Variants in ZC3H12B observed in about 807,000 individuals in gnomAD.
ZC3H12B encodes the protein zinc finger CCCH-type containing 12B.
A neutral mutation model predicts 43.9 loss-of-function variants in ZC3H12B; 7 were observed. The ratio of observed to expected loss-of-function variants is 0.16; its 90% CI spans 0.09 to 0.30. The LOEUF is 0.30. Among genes scored for constraint, ZC3H12B ranks in the 10% least tolerant of loss-of-function variants. The probability of loss-of-function intolerance (pLI) is 1.00; values close to 1 mark genes in which losing one functional copy is unlikely to be tolerated. For synonymous variants in ZC3H12B, 222 were observed against 241.7 expected, an observed-to-expected ratio of 0.92 and a Z score of 0.76; for missense variants, 475 against 670.2, an observed-to-expected ratio of 0.71 and a Z score of 3.22.
In ZC3H12B at chrX:65,381,061, A is replaced by T. The variant is rs1456360810; in HGVS notation, n.295+12063A>T. Among the ~76,000 whole-genome samples the T allele has an allele frequency of 2.7e-5, 3 of 111,341 alleles. No homozygotes were observed. The Admixed American group carries it at 2.9e-4, about 11-fold the overall frequency. ...CAGATCAACAAGACAGAAAGTCAAC[A>T]AAGATACCCAGGAATTGAACTCAGC... is the stretch of plus-strand genomic sequence containing the variant. On this transcript the variant is annotated intron_variant and non_coding_transcript_variant, in intron 2 of 5. Coordinates refer to the ZC3H12B transcript ENST00000617377.
the ZC3H12B span, among the ~76,000 whole-genome samples, chrX:65,229,470 A>T: frequency 9.2e-6 from 1 of 108,837 alleles, no homozygotes; most frequent in East Asian, 2.9e-4. Context: ...GGACATAGGC[A>T]TGGGCAAGGA....
chrX:65,106,282 G>T, the ZC3H12B span, among the ~76,000 whole-genome samples: 1 of 112,022 alleles, frequency 8.9e-6, no homozygotes, highest in Non-Finnish European at 1.9e-5. Context: ...AGATAAATTG[G>T]CAGATATAGT....
the ZC3H12B span, among the ~76,000 whole-genome samples, chrX:65,258,309 A>G: frequency 9.8e-5 from 11 of 112,122 alleles, no homozygotes; most frequent in East Asian, 3.1e-3. Flanking sequence ...AGAACTGAAA[A>G]CATAAATCAC....
At chrX:65,147,838 A>C in the ZC3H12B span, among the ~76,000 whole-genome samples, 1 of 109,909 alleles carries the variant, frequency 9.1e-6, no homozygotes, top group Non-Finnish European at 1.9e-5. Context: ...GTGGGGGCTT[A>C]TCTGGAGCCT....
chrX:65,277,602 A>T, the ZC3H12B span, among the ~76,000 whole-genome samples: 1 of 112,221 alleles, frequency 8.9e-6, no homozygotes, highest in East Asian at 2.8e-4. Flanking sequence ...GTTAAACAAC[A>T]TGCTTTTCAA....
intron 2 of ZC3H12B, among the ~76,000 whole-genome samples, chrX:65,386,869 C>G (rs7050092): frequency 0.24 from 26,592 of 110,782 alleles, 7,713 homozygotes; most frequent in African/African-American, 0.83. Context: ...TGGTTTCAAA[C>G]AACGTCTTTA....
the ZC3H12B span, among the ~76,000 whole-genome samples, chrX:65,196,218 C>T: frequency 1.9e-5 from 2 of 107,776 alleles, no homozygotes; most frequent in Non-Finnish European, 3.9e-5. Flanking sequence ...AACAGTCCCC[C>T]TGCAGTTGGA....
At chrX:65,142,681 G>T in the ZC3H12B span, among the ~76,000 whole-genome samples, 2 of 112,376 alleles carry the variant, frequency 1.8e-5, no homozygotes, top group Non-Finnish European at 3.8e-5. Context: ...TATGTATAAG[G>T]TGAGAGATGA....
chrX:65,231,633 A>G, the ZC3H12B span, among the ~76,000 whole-genome samples: 1 of 111,205 alleles, frequency 9.0e-6, no homozygotes, highest in African/African-American at 3.3e-5. Context: ...ATTCAGTGAT[A>G]TCTCTCCTAC....
In ZC3H12B at chrX:65,462,387, C is replaced by T. The variant is rs376785220; in HGVS notation, n.408-26259C>T. ...CTTAGCCGGGCGTAGCGACAGGCGC[C>T]TGTGATCCTAGCTACTCGGGAGGCT... On this transcript the variant is annotated intron_variant and non_coding_transcript_variant, in intron 3 of 5. Coordinates refer to the ZC3H12B transcript ENST00000617377. Among the ~76,000 whole-genome samples the T allele has an allele frequency of 1.4e-4, 15 of 110,877 alleles. No individual in the cohort carries two copies. In the East Asian group the frequency reaches 3.4e-3, roughly 25 times the overall value.
At chrX:65,336,429 G>A in the ZC3H12B span, among the ~76,000 whole-genome samples, 1 of 111,996 alleles carries the variant, frequency 8.9e-6, no homozygotes, top group Non-Finnish European at 1.9e-5. Context: ...GACTGCCTGG[G>A]GAAGCTAGAT....
At chrX:65,407,814 T>C (rs1364000680) in intron 3 of ZC3H12B, among the ~76,000 whole-genome samples, 8 of 112,924 alleles carry the variant, frequency 7.1e-5, no homozygotes, top group Non-Finnish European at 1.1e-4. Flanking sequence ...ACGCCCGACG[T>C]CTCCGCGCAG....
chrX:65,401,671 G>C (rs2066764223), intron 3 of ZC3H12B, among the ~76,000 whole-genome samples: 1 of 111,747 alleles, frequency 8.9e-6, no homozygotes, highest in Non-Finnish European at 1.9e-5. Context: ...CTCCAAAACA[G>C]ATCCCTTCCT....
the ZC3H12B span, among the ~76,000 whole-genome samples, chrX:65,067,797 G>A: frequency 1.8e-5 from 2 of 109,446 alleles, no homozygotes; most frequent in Admixed American, 1.9e-4. Flanking sequence ...GTTTGCGCTT[G>A]CTTTTGTAGT....
At chrX:65,178,597 G>T in the ZC3H12B span, among the ~76,000 whole-genome samples, 7 of 112,354 alleles carry the variant, frequency 6.2e-5, no homozygotes, top group African/African-American at 1.9e-4. Context: ...AAAAGTGGGC[G>T]AAGGATGTGA....
chrX:65,440,084 G>T (rs2067282410), intron 3 of ZC3H12B, among the ~76,000 whole-genome samples: 1 of 112,186 alleles, frequency 8.9e-6, no homozygotes, highest in Admixed American at 9.4e-5. Context: ...GGGCTGTCCT[G>T]TAATCCCTAT....
chrX:65,145,978 A>C, the ZC3H12B span, among the ~76,000 whole-genome samples: 4 of 111,434 alleles, frequency 3.6e-5, no homozygotes, highest in East Asian at 1.1e-3. Context: ...ATCTTCTTGC[A>C]ATGAATTTCC....
the ZC3H12B span, among the ~76,000 whole-genome samples, chrX:65,188,192 A>G: frequency 1.3e-4 from 15 of 111,187 alleles, no homozygotes; most frequent in Non-Finnish European, 2.5e-4. Flanking sequence ...ACACATTTTT[A>G]AAAATCTATT....
chrX:65,129,075 C>T, the ZC3H12B span, among the ~76,000 whole-genome samples: 1 of 109,707 alleles, frequency 9.1e-6, no homozygotes, highest in Non-Finnish European at 1.9e-5. Context: ...ATAAGTCTGC[C>T]GTTTTATTGT....
Sources: gnomAD v4.1 joint callset for allele counts (sites outside exome capture counted in the v4.1 genomes callset) on GRCh38, gnomAD v4.1.1 for gene constraint, MANE v1.5 for transcripts, NCBI Gene and HGNC (gene_info 2026-07-23, HGNC 2026-07-21) for gene names.